The following WNK1 variants were observed in gnomAD, a reference collection of about 807,000 sequenced individuals.
The protein encoded by WNK1 is WNK lysine deficient protein kinase 1, also known as serine/threonine-protein kinase WNK1.
In WNK1, 38 loss-of-function variants were observed where a neutral mutation model predicts 222.8. The ratio of observed to expected loss-of-function variants is 0.17; its 90% CI spans 0.13 to 0.22. The LOEUF (loss-of-function observed/expected upper bound fraction) is 0.22, where lower values mean the gene tolerates loss of function less well. Among genes scored for constraint, WNK1 ranks in the 10% least tolerant of loss-of-function variants. The pLI is 1.00. For missense variants in WNK1, 2,348 were observed against 2,918.4 expected (o/e 0.80, Z 4.50); for synonymous variants, 1,090 against 1,092.9 (o/e 1.00, Z 0.05).
At chr12:807,712 T>C (rs926064108) in intron 1 of WNK1, among the ~76,000 whole-genome samples, 1 of 20,356 alleles carries the variant, frequency 4.9e-5, no homozygotes, top group African/African-American at 2.1e-4. Flanking sequence ...GCAATAATTC[T>C]TTTTTTTTTT....
chr12:843,675 C>T (rs1293034321), intron 4 of WNK1, among the ~76,000 whole-genome samples: 1 of 152,048 alleles, frequency 6.6e-6, no homozygotes, highest in East Asian at 1.9e-4. Flanking sequence ...TATTGAGGAC[C>T]CTGAAGGGTC....
chr12:884,937 C>G lies in WNK1; in HGVS notation c.4133C>G (p.Pro1378Arg). ...TSVIQSEVTV[P>R]TEEGIAGVAT... is the part of the protein sequence containing the mutation. Reference sequence around the variant, plus strand: ...GTAATTCAGTCTGAGGTTACAGTGCCCACTGAAGAGGGGATTGCTGGAGTT... The same window carrying G: ...GTAATTCAGTCTGAGGTTACAGTGCGCACTGAAGAGGGGATTGCTGGAGTT... The change falls in exon 19 of 28, where the codon CCC (proline) becomes CGC (arginine). Residue 1378 changes from proline to arginine, a missense_variant. By Grantham distance (103) the Pro-to-Arg change is moderately radical. This residue lies in a region of WNK1 where 1,144 missense variants were observed against 1,273.6 expected (regional missense o/e 0.90). Transcript: ENST00000315939. The surrounding 1 kb of genome is among the most constrained non-coding windows in gnomAD (Gnocchi z 5.6). The G allele has an allele frequency of 6.2e-7, 1 of 1,614,148 alleles. No homozygotes were observed. Among genetic ancestry groups the G allele is most frequent in the East Asian group, 2.2e-5 (1 of 44,884 alleles).
intron 9 of WNK1, among the ~76,000 whole-genome samples, chr12:876,642 T>TA (rs1339295520): frequency 2.0e-5 from 3 of 152,168 alleles, no homozygotes; most frequent in Non-Finnish European, 4.4e-5. Flanking sequence ...AGTAACCAAT[T>TA]AGTCGTATGG....
intron 9 of WNK1, among the ~76,000 whole-genome samples, chr12:875,520 A>G (rs1036519898): frequency 3.9e-5 from 6 of 152,238 alleles, no homozygotes; most frequent in Non-Finnish European, 2.9e-5. Context: ...ATTCTCAGCA[A>G]TATGACTTCA....
chr12:878,335 T>G lies in WNK1; in HGVS notation c.2347T>G (p.Leu783Val). 1.9e-6 allele frequency: 3 copies of G among 1,613,922 alleles called. No individual in the cohort carries two copies. The highest frequency in any genetic ancestry group is 2.5e-6 in the Non-Finnish European group (3 of 1,179,982). The change falls in exon 10 of 28, where the codon TTG (leucine) becomes GTG (valine). Residue 783 changes from leucine to valine, a missense_variant. Transcript: ENST00000315939. ...GAGTCAGCCTCAAGCTCCACAAGTCTTGCCTCAAGTATCAGCTGGAAAACA... is the reference window on the plus strand; with the variant it reads ...GAGTCAGCCTCAAGCTCCACAAGTCGTGCCTCAAGTATCAGCTGGAAAACA... ...PVSQPQAPQV[L>V]PQVSAGKQLP...
At chr12:765,075 C>T (rs764420420) in intron 1 of WNK1, among the ~76,000 whole-genome samples, 9 of 147,952 alleles carry the variant, frequency 6.1e-5, no homozygotes, top group Admixed American at 4.7e-4. Context: ...GGTGATCCAC[C>T]CATCTCAGTC....
At chr12:877,816 T>G (rs1315696191) in intron 9 of WNK1, among the ~76,000 whole-genome samples, 1 of 152,198 alleles carries the variant, frequency 6.6e-6, no homozygotes, top group Non-Finnish European at 1.5e-5. Flanking sequence ...AGGAAGCTAT[T>G]GGATCTATCT....
At chr12:809,551 T>C (rs1435793972) in intron 1 of WNK1, among the ~76,000 whole-genome samples, 1 of 152,182 alleles carries the variant, frequency 6.6e-6, no homozygotes, top group Non-Finnish European at 1.5e-5. Flanking sequence ...CAAAACACCT[T>C]GAAAGCCATG....
intron 9 of WNK1, among the ~76,000 whole-genome samples, chr12:877,410 A>G (rs1338971856): frequency 1.3e-5 from 2 of 152,174 alleles, no homozygotes; most frequent in African/African-American, 4.8e-5. Flanking sequence ...TCTAGGGGTC[A>G]TAGTCCTGTT....
At position 865,191 on chromosome 12, in the gene WNK1, T is replaced by TTCCACCCCACC. The variant is rs1257176684; in HGVS notation, c.2139+2922_2139+2932dup. ...GTGTCCCGCATCTCTCCCAGTGCTC[T>TTCCACCCCACC]TCCACCCCACCGCCAGTACTGTCTG... On this transcript the variant is annotated intron_variant, in intron 8 of 27. Transcript: ENST00000315939. The TTCCACCCCACC allele has an allele frequency of 2.6e-6, 4 of 1,528,866 alleles. No homozygotes were observed. The Admixed American group carries it at 6.0e-5, about 23-fold the overall frequency. The allele number at this position is 1,528,866 out of a possible 1,614,324, so 94.7% of individuals were successfully genotyped here.
chr12:863,042 G>A (rs1238449793), intron 8 of WNK1, among the ~76,000 whole-genome samples: 1 of 152,028 alleles, frequency 6.6e-6, no homozygotes, highest in Admixed American at 6.6e-5. Flanking sequence ...CATTTCTTTT[G>A]TTGACCTCAG....
chr12:855,910 G>A (rs1458617468), intron 4 of WNK1, among the ~76,000 whole-genome samples: 1 of 151,960 alleles, frequency 6.6e-6, no homozygotes, highest in Non-Finnish European at 1.5e-5. Context: ...CTTGATCTCA[G>A]CTCACTGCAA....
At chr12:847,478 G>A (rs1292521662) in intron 4 of WNK1, among the ~76,000 whole-genome samples, 1 of 152,180 alleles carries the variant, frequency 6.6e-6, no homozygotes, top group African/African-American at 2.4e-5. Flanking sequence ...GTTCACTAAA[G>A]TATTCAGTGA....
chr12:861,609 C>T (rs1323590925), intron 7 of WNK1, among the ~76,000 whole-genome samples: 2 of 152,130 alleles, frequency 1.3e-5, no homozygotes, highest in Non-Finnish European at 2.9e-5. Context: ...TAGATTTCTA[C>T]TTTTCACAAT....
rs924950933 is a variant in WNK1, at chr12:827,327, G to A, written c.1153+65G>A. 7.0e-7 allele frequency: 1 copy of A among 1,427,262 alleles called. No homozygotes were observed. Among genetic ancestry groups the A allele is most frequent in the African/African-American group, 1.4e-5 (1 of 71,198 alleles). 88.4% of individuals were successfully genotyped at this position (1,427,262 alleles called of 1,614,324 possible). A position where few individuals can be genotyped will look rare whatever the true frequency, so the allele number is the denominator to read the frequency against. On this transcript the variant is annotated intron_variant, in intron 3 of 27. Transcript: ENST00000315939. This position sits in a 1 kb window ranked among gnomAD's most constrained non-coding sequence, Gnocchi z 4.6. ...CACATTCCTTTTATTTAGAATCCTG[G>A]CTCTGTCAGAGTTTTAAGTGATATA...
Position 754,098 on chromosome 12 carries a change from C to G in WNK1, c.533C>G (p.Pro178Arg), listed in dbSNP as rs1435492464. ...QPSLVGSKEEPPPARSGSGGG... is the reference protein window; with the variant it reads ...QPSLVGSKEERPPARSGSGGG... ...AGCCTTGTGGGGAGCAAAGAGGAGCCGCCGCCGGCGAGAAGTGGCAGCGGC... is the reference window on the plus strand; with the variant it reads ...AGCCTTGTGGGGAGCAAAGAGGAGCGGCCGCCGGCGAGAAGTGGCAGCGGC... Residue 178 changes from proline to arginine, a missense_variant, in exon 1 of 28, where the codon CCG (proline) becomes CGG (arginine). Physicochemically the swap from Pro to Arg is moderately radical, Grantham distance 103. Coordinates refer to ENST00000315939, the MANE Select transcript of WNK1 (RefSeq NM_018979.4). 1.2e-6 allele frequency: 2 copies of G among 1,611,184 alleles called. No individual in the cohort carries two copies. The highest frequency in any genetic ancestry group is 1.7e-6 in the Non-Finnish European group (2 of 1,179,458).
At chr12:849,816 T>C (rs1235230750) in intron 4 of WNK1, among the ~76,000 whole-genome samples, 5 of 149,476 alleles carry the variant, frequency 3.3e-5, no homozygotes, top group Admixed American at 3.3e-4. Context: ...GAACATGTGG[T>C]GTTTGGTTTT....
intron 1 of WNK1, among the ~76,000 whole-genome samples, chr12:783,413 G>A (rs1943927811): frequency 6.6e-6 from 1 of 151,964 alleles, no homozygotes; most frequent in African/African-American, 2.4e-5. Flanking sequence ...AGCACTTTGG[G>A]AGGCTGAGGT....
At chr12:838,369 A>G (rs1949363339) in intron 4 of WNK1, among the ~76,000 whole-genome samples, 1 of 152,038 alleles carries the variant, frequency 6.6e-6, no homozygotes, top group Non-Finnish European at 1.5e-5. Context: ...CCATCAGTGT[A>G]AGAGAATTGT....
Sources: gnomAD v4.1 joint callset for allele counts (sites outside exome capture counted in the v4.1 genomes callset) on GRCh38, gnomAD v4.1.1 for gene constraint, gnomAD v4.1.1 regional missense constraint, Gnocchi (gnomAD v3.1) non-coding constraint, MANE v1.5 for transcripts, NCBI Gene and HGNC (gene_info 2026-07-23, HGNC 2026-07-21) for gene names.